Variants in STX2 observed in about 807,000 individuals in gnomAD.
STX2 encodes the protein syntaxin 2.
STX2 carries 27 observed loss-of-function variants against 40.6 expected under a neutral mutation model. The ratio of observed to expected loss-of-function variants is 0.66; its 90% CI spans 0.49 to 0.92. The LOEUF (loss-of-function observed/expected upper bound fraction) is 0.92. Ranked by LOEUF, STX2 falls within the 40% of genes least tolerant of loss-of-function variation. The pLI is 0.00. For missense variants in STX2, 328 were observed against 366.1 expected, an observed-to-expected ratio of 0.90 and a Z score of 0.85; for synonymous variants, 123 against 119.1, an observed-to-expected ratio of 1.03 and a Z score of -0.22.
At chr12:130,832,279 G>C (rs1384192405) in intron 1 of STX2, among the ~76,000 whole-genome samples, 1 of 151,718 alleles carries the variant, frequency 6.6e-6, no homozygotes, top group Non-Finnish European at 1.5e-5. Flanking sequence ...TCTTACTGCT[G>C]CATACACTCC....
chr12:130,809,253 C>T lies in STX2; in HGVS notation c.281-549G>A, dbSNP rs79687862. Among the ~76,000 whole-genome samples, 1,356 of 152,130 alleles carry T rather than the reference C, an allele frequency of 8.9e-3. 16 individuals carry two copies. Among genetic ancestry groups the T allele is most frequent in the African/African-American group, 0.031 (1,296 of 41,476 alleles). Reference sequence around the variant, plus strand: ...ACACAGATACACACAGATATATATACACACATATATACAAATACATGGAAA... The same window carrying T: ...ACACAGATACACACAGATATATATATACACATATATACAAATACATGGAAA... On this transcript the variant is annotated intron_variant, in intron 4 of 10. Coordinates refer to ENST00000392373, the MANE Select transcript of STX2 (RefSeq NM_194356.4).
In STX2 at chr12:130,791,894, T is replaced by C. The variant is rs759638492; in HGVS notation, c.*129A>G. The C allele has an allele frequency of 1.6e-5, 25 of 1,610,834 alleles. No individual in the cohort carries two copies. The highest frequency in any genetic ancestry group is 2.0e-5 in the Non-Finnish European group (24 of 1,177,662). On this transcript the variant is annotated 3_prime_UTR_variant, in exon 11 of 11. Coordinates refer to ENST00000392373, the MANE Select transcript of STX2 (RefSeq NM_194356.4). ...TCAAGGATAAATGGCTCTTGGGATA[T>C]GGTTGCTAGGACAATGTTGTTGCTA...
intron 3 of STX2, among the ~76,000 whole-genome samples, chr12:130,817,046 T>C (rs1951883913): frequency 6.6e-6 from 1 of 152,040 alleles, no homozygotes; most frequent in South Asian, 2.1e-4. Flanking sequence ...ACTCAAATTA[T>C]TACTGCAAAT....
At chr12:130,818,185 A>AAAAAAAAAAAAATATAT in intron 3 of STX2, among the ~76,000 whole-genome samples, 1 of 70,544 alleles carries the variant, frequency 1.4e-5, no homozygotes, top group South Asian at 3.7e-4. Flanking sequence ...AAAAAAAAAA[A>AAAAAAAAAAAAATATAT]ATATATATAT....
chr12:130,802,582 T>C (rs947854201), intron 6 of STX2, among the ~76,000 whole-genome samples: 3 of 152,200 alleles, frequency 2.0e-5, no homozygotes, highest in African/African-American at 7.2e-5. Context: ...ACTGCCGCTT[T>C]GACCTCCTAG....
intron 9 of STX2, among the ~76,000 whole-genome samples, chr12:130,797,475 G>A (rs189124503): frequency 3.7e-4 from 57 of 152,112 alleles, no homozygotes; most frequent in Admixed American, 3.3e-3. Flanking sequence ...GTGCCCTGGC[G>A]GCTGAGCCTG....
At chr12:130,814,821 GA>G (rs1326981643) in intron 3 of STX2, among the ~76,000 whole-genome samples, 3 of 151,950 alleles carry the variant, frequency 2.0e-5, no homozygotes, top group African/African-American at 7.3e-5. Flanking sequence ...ATTTTTAGTA[GA>G]GATGGGGTTT....
At chr12:130,807,152 G>A in intron 5 of STX2, 62 bp from the exon 6 acceptor site, 1 of 1,504,252 alleles carries the variant, frequency 6.6e-7, no homozygotes, top group Non-Finnish European at 9.2e-7. Context: ...AAAGTGACAT[G>A]CAAGACATGC....
intron 3 of STX2, among the ~76,000 whole-genome samples, chr12:130,819,848 C>T (rs911169463): frequency 2.6e-5 from 4 of 152,112 alleles, no homozygotes; most frequent in African/African-American, 4.8e-5. Context: ...AAGAGGTCCC[C>T]GGAAAGATCT....
intron 8 of STX2, among the ~76,000 whole-genome samples, chr12:130,799,142 A>G (rs1951131712): frequency 6.6e-6 from 1 of 152,246 alleles, no homozygotes; most frequent in African/African-American, 2.4e-5. Flanking sequence ...TGAATTCAGC[A>G]AAGTGTGAGG....
Position 130,791,387 on chromosome 12 carries a change from G to A in STX2, c.*636C>T, listed in dbSNP as rs921450754. ...AGAAAACACAAAAAATTAGCTGGGT[G>A]TGGTGGCCCATGCCTGTAATCCCAG... On this transcript the variant is annotated 3_prime_UTR_variant, in exon 11 of 11. Coordinates refer to ENST00000392373, the MANE Select transcript of STX2 (RefSeq NM_194356.4). 1 of 152,572 alleles carries A rather than the reference G, an allele frequency of 6.6e-6. No individual in the cohort carries two copies. The highest frequency in any genetic ancestry group is 1.5e-5 in the Non-Finnish European group (1 of 68,172). The allele number at this position is 152,572 out of a possible 1,614,324, so 9.5% of individuals were successfully genotyped here. A position where few individuals can be genotyped will look rare whatever the true frequency, so the allele number is the denominator to read the frequency against.
chr12:130,798,067 G>C (rs1216524553), intron 9 of STX2, among the ~76,000 whole-genome samples: 1 of 152,164 alleles, frequency 6.6e-6, no homozygotes, highest in African/African-American at 2.4e-5. Flanking sequence ...GGCCAACATG[G>C]TGAAACCCTC....
At position 130,796,006 on chromosome 12, in the gene STX2, C is replaced by T. The variant is rs1951017064; in HGVS notation, c.*34G>A. 6.2e-7 allele frequency: 1 copy of T among 1,609,008 alleles called. No individual in the cohort carries two copies. Among genetic ancestry groups the T allele is most frequent in the Non-Finnish European group, 8.5e-7 (1 of 1,178,250 alleles). On this transcript the variant is annotated 3_prime_UTR_variant, in exon 10 of 11. Transcript: ENST00000392373. ...GATGAGTTACTTACTCCCACCCTGG[C>T]AGAGAGGCATGCACACTGACGTTAT...
intron 3 of STX2, among the ~76,000 whole-genome samples, chr12:130,813,233 G>C (rs921153453): frequency 8.5e-5 from 13 of 152,180 alleles, no homozygotes; most frequent in Non-Finnish European, 1.8e-4. Context: ...TGGCAGCTTA[G>C]TAGAAACACA....
Position 130,801,789 on chromosome 12 carries a change from TAA to T in STX2, c.464-303_464-302del, listed in dbSNP as rs549648283. Reference sequence around the variant, plus strand: ...CAATGTCTCGGCACACTGGTTTCCCTAAGAGTTTAACTCCGCCTCATGTAAAA... The same window carrying T: ...CAATGTCTCGGCACACTGGTTTCCCTGAGTTTAACTCCGCCTCATGTAAAA... On this transcript the variant is annotated intron_variant, in intron 6 of 10. Coordinates refer to ENST00000392373, the MANE Select transcript of STX2 (RefSeq NM_194356.4). 3.0e-3 allele frequency among the ~76,000 whole-genome samples: 453 copies of T among 152,294 alleles called. 4 individuals are homozygous for T. The highest frequency in any genetic ancestry group is 0.017 in the Middle Eastern group (5 of 294).
chr12:130,797,803 A>C (rs1255897622), intron 9 of STX2, among the ~76,000 whole-genome samples: 2 of 152,246 alleles, frequency 1.3e-5, no homozygotes, highest in African/African-American at 2.4e-5. Flanking sequence ...ATCTTGAGTG[A>C]AAGGGGTTCC....
At chr12:130,815,777 T>G (rs1951834963) in intron 3 of STX2, among the ~76,000 whole-genome samples, 1 of 152,230 alleles carries the variant, frequency 6.6e-6, no homozygotes, top group South Asian at 2.1e-4. Flanking sequence ...GCCTGAATTT[T>G]GTTTTCTGGT....
At chr12:130,835,252 G>A (rs972952051) in intron 1 of STX2, among the ~76,000 whole-genome samples, 1 of 152,088 alleles carries the variant, frequency 6.6e-6, no homozygotes, top group Admixed American at 6.5e-5. Flanking sequence ...TCGTGCCCCT[G>A]CACTCCAGCC....
chr12:130,796,477 C>A (rs1246526292), intron 9 of STX2, among the ~76,000 whole-genome samples: 3 of 152,306 alleles, frequency 2.0e-5, no homozygotes, highest in African/African-American at 7.2e-5. Context: ...CAGAGCAAGA[C>A]TCCATCTCAA....
Sources: allele counts gnomAD v4.1 joint callset (sites outside exome capture counted in the v4.1 genomes callset), GRCh38; gene constraint gnomAD v4.1.1; transcripts MANE v1.5; gene names NCBI Gene and HGNC (gene_info 2026-07-23, HGNC 2026-07-21).